Variants in EYS observed in about 807,000 individuals in gnomAD.
EYS encodes the protein protein eyes shut homolog.
EYS carries 250 observed loss-of-function variants against 282.1 expected under a neutral mutation model. The ratio of observed to expected loss-of-function variants is 0.89; its 90% CI spans 0.80 to 0.98. EYS has a LOEUF of 0.98. EYS is among the 50% of genes least tolerant of loss of function. The pLI, the probability that EYS is intolerant of heterozygous loss-of-function variation, is 0.00. For synonymous variants in EYS, 1,355 were observed against 1,282.9 expected, an observed-to-expected ratio of 1.06 and a Z score of -1.20; for missense variants, 4,016 against 3,709.0, an observed-to-expected ratio of 1.08 and a Z score of -2.15.
At chr6:65,322,383 T>C (rs1457644126) in intron 11 of EYS, among the ~76,000 whole-genome samples, 1 of 152,190 alleles carries the variant, frequency 6.6e-6, no homozygotes, top group Non-Finnish European at 1.5e-5. Flanking sequence ...CTTGTCAGCA[T>C]TGCTTATGAA....
intron 26 of EYS, among the ~76,000 whole-genome samples, chr6:64,561,106 C>G (rs1239038356): frequency 6.6e-6 from 1 of 152,000 alleles, no homozygotes; most frequent in South Asian, 2.1e-4. Flanking sequence ...ATTATCTTAA[C>G]AGATGCAGAA....
At chr6:65,649,378 C>T (rs1767574062) in intron 1 of EYS, among the ~76,000 whole-genome samples, 1 of 152,030 alleles carries the variant, frequency 6.6e-6, no homozygotes, top group Non-Finnish European at 1.5e-5. Context: ...TTAAAACACA[C>T]ACACACACAC....
At chr6:65,075,206 G>T (rs1376178910) in intron 12 of EYS, among the ~76,000 whole-genome samples, 1 of 151,428 alleles carries the variant, frequency 6.6e-6, no homozygotes, top group Non-Finnish European at 1.5e-5. Context: ...CAAGAGTTTG[G>T]GTACATTTCT....
chr6:65,298,488 A>G (rs1768726300), intron 11 of EYS, among the ~76,000 whole-genome samples: 1 of 151,882 alleles, frequency 6.6e-6, no homozygotes, highest in Non-Finnish European at 1.5e-5. Context: ...ATGTATTTTT[A>G]TATTGACCAC....
chr6:65,022,266 G>T (rs1772272290), intron 13 of EYS, among the ~76,000 whole-genome samples: 1 of 152,150 alleles, frequency 6.6e-6, no homozygotes, highest in Non-Finnish European at 1.5e-5. Flanking sequence ...CAGGTGACTA[G>T]ATGCTTCCTC....
At chr6:63,760,648 A>C (rs570290104) in intron 41 of EYS, among the ~76,000 whole-genome samples, 2 of 145,892 alleles carry the variant, frequency 1.4e-5, no homozygotes, top group Non-Finnish European at 3.0e-5. Context: ...GTATGTATGT[A>C]TATCTATCTA....
chr6:65,332,090 G>A (rs532586702), intron 11 of EYS: 361 of 328,456 alleles, frequency 1.1e-3, no homozygotes, highest in Non-Finnish European at 1.8e-3. Context: ...GCCTTTCACC[G>A]TAAAGTATAA....
intron 12 of EYS, among the ~76,000 whole-genome samples, chr6:65,189,474 C>CT (rs990537400): frequency 6.6e-6 from 1 of 151,804 alleles, no homozygotes; most frequent in Non-Finnish European, 1.5e-5. Context: ...CTGCTGAGTG[C>CT]TTTTTTGCAG....
chr6:64,243,045 T>C (rs974719956), intron 30 of EYS, among the ~76,000 whole-genome samples: 12 of 147,422 alleles, frequency 8.1e-5, no homozygotes, highest in African/African-American at 2.7e-4. Flanking sequence ...TAAAATATAA[T>C]TATATAAATA....
intron 12 of EYS, among the ~76,000 whole-genome samples, chr6:65,289,210 A>G (rs1768453815): frequency 6.6e-6 from 1 of 151,036 alleles, no homozygotes; most frequent in African/African-American, 2.4e-5. Flanking sequence ...GAAACTTTTA[A>G]GTATATGCTA....
chr6:64,576,688 A>G (rs1765891749), intron 26 of EYS, among the ~76,000 whole-genome samples: 1 of 152,108 alleles, frequency 6.6e-6, no homozygotes, highest in African/African-American at 2.4e-5. Context: ...TTATTTAAAA[A>G]TAGTTTCTTA....
intron 12 of EYS, among the ~76,000 whole-genome samples, chr6:65,197,420 G>A (rs542706892): frequency 3.3e-5 from 5 of 152,246 alleles, no homozygotes; most frequent in African/African-American, 1.2e-4. Context: ...GTTCTGGAAA[G>A]AGGAATAGCA....
At chr6:63,964,097 A>T (rs1766198326) in intron 35 of EYS, among the ~76,000 whole-genome samples, 1 of 152,116 alleles carries the variant, frequency 6.6e-6, no homozygotes, top group African/African-American at 2.4e-5. Flanking sequence ...TTTTTTTTCC[A>T]GTGGAAGTTT....
intron 41 of EYS, among the ~76,000 whole-genome samples, chr6:63,760,072 C>T (rs576795571): frequency 5.8e-4 from 88 of 152,024 alleles, no homozygotes; most frequent in African/African-American, 2.0e-3. Flanking sequence ...GAAAATTATA[C>T]TATGAATGGA....
chr6:64,364,402 C>T (rs1251730169), intron 29 of EYS, among the ~76,000 whole-genome samples: 3 of 151,842 alleles, frequency 2.0e-5, no homozygotes, highest in Non-Finnish European at 2.9e-5. Flanking sequence ...ACCCCAAATT[C>T]AAGAACATTA....
rs554902586 is a variant in EYS at position 65,367,996 on chromosome 6, T to C, written c.1300-14379A>G. On this transcript the variant is annotated intron_variant, in intron 8 of 42. Coordinates refer to ENST00000503581, the MANE Select transcript of EYS (RefSeq NM_001142800.2). ...GGATAGAGATTTAATTGCCTCACAG[T>C]TCAGCATGGGTGGGAAAGCCTCAGG... Among the ~76,000 whole-genome samples the C allele has an allele frequency of 5.9e-5, 9 of 151,676 alleles. No homozygotes were observed. The South Asian group carries it at 1.2e-3, about 21-fold the overall frequency.
chr6:64,993,536 T>A (rs1391049549), intron 14 of EYS, among the ~76,000 whole-genome samples: 3 of 125,076 alleles, frequency 2.4e-5, no homozygotes, highest in Non-Finnish European at 3.1e-5. Context: ...TGAGAACACA[T>A]GGACACAGGA....
At chr6:64,230,846 GA>G in intron 30 of EYS, 22 bp from the exon 31 acceptor site, 2 of 1,411,156 alleles carry the variant, frequency 1.4e-6, no homozygotes, top group Middle Eastern at 1.8e-4. Context: ...AAACAGACAA[GA>G]AAACAAAATA....
intron 1 of EYS, among the ~76,000 whole-genome samples, chr6:65,660,595 T>C (rs566400055): frequency 6.6e-6 from 1 of 151,786 alleles, no homozygotes; most frequent in Non-Finnish European, 1.5e-5. Flanking sequence ...AAAAAGATGT[T>C]CTTCTATGGT....
Sources: gnomAD v4.1 joint callset for allele counts (sites outside exome capture counted in the v4.1 genomes callset) on GRCh38, gnomAD v4.1.1 for gene constraint, MANE v1.5 for transcripts, NCBI Gene and HGNC (gene_info 2026-07-23, HGNC 2026-07-21) for gene names.